Variants in NDUFV2 observed in about 807,000 individuals in gnomAD.
NDUFV2 encodes NADH dehydrogenase [ubiquinone] flavoprotein 2, mitochondrial.
Under a neutral mutation model 31.6 loss-of-function variants are expected in NDUFV2, and 18 were observed. The ratio of observed to expected loss-of-function variants is 0.57; its 90% confidence interval spans 0.39 to 0.84. The LOEUF (loss-of-function observed/expected upper bound fraction) is 0.84. NDUFV2 is among the 40% of genes least tolerant of loss of function. The pLI is 0.00. For synonymous variants in NDUFV2, 83 were observed against 99.8 expected (o/e 0.83, Z 1.01); for missense variants, 314 against 303.6 (o/e 1.03, Z -0.26).
At chr18:9,103,003 ACTC>A (rs926258047) in intron 1 of NDUFV2, 61 of 521,302 alleles carry the variant, frequency 1.2e-4, no homozygotes, top group African/African-American at 1.1e-3. Flanking sequence ...TGGGAAGTGT[ACTC>A]CTAGTTTGGT....
At chr18:9,105,234 T>A (rs2077835852) in intron 1 of NDUFV2, among the ~76,000 whole-genome samples, 1 of 152,240 alleles carries the variant, frequency 6.6e-6, no homozygotes. Context: ...TAAAGATTAT[T>A]TACGCTTTCA....
Position 9,118,828 on chromosome 18 carries a change from T to TG in NDUFV2, c.121-498_121-497insG, listed in dbSNP as rs1166501005. 2.9e-3 allele frequency among the ~76,000 whole-genome samples: 431 copies of TG among 149,010 alleles called. 4 individuals carry two copies. The highest frequency in any genetic ancestry group is 0.01 in the African/African-American group (415 of 40,796). On this transcript the variant is annotated intron_variant, in intron 2 of 7. Coordinates refer to ENST00000318388, the MANE Select transcript of NDUFV2 (RefSeq NM_021074.5). ...AGAGATGGTGCTGTTTTTTTTTTTT[T>TG]TTTTTTTTTTTTAAGATGGTCCTTT...
At position 9,122,544 on chromosome 18, in the gene NDUFV2, G is replaced by C. The variant is rs373689008; in HGVS notation, c.332G>C (p.Arg111Thr). 5.0e-6 allele frequency: 8 copies of C among 1,613,656 alleles called. No homozygotes were observed. The highest frequency in any genetic ancestry group is 3.3e-5 in the South Asian group (3 of 91,038). Residue 111 changes from arginine to threonine, a missense_variant, in exon 5 of 8, where the codon AGA (arginine) becomes ACA (threonine). By Grantham distance (71) the Arg-to-Thr change is moderately conservative. Coordinates refer to ENST00000318388, the MANE Select transcript of NDUFV2 (RefSeq NM_021074.5). Reference sequence around the variant, plus strand: ...GAAGTTTTACAAGTACCTCCAATGAGAGTATATGAAGTAGCAACTTTTTAT... The same window carrying C: ...GAAGTTTTACAAGTACCTCCAATGACAGTATATGAAGTAGCAACTTTTTAT... ...VAEVLQVPPM[R>T]VYEVATFYTM... is the part of the protein sequence containing the mutation.
chr18:9,113,923 G>A (rs982211254), intron 1 of NDUFV2, among the ~76,000 whole-genome samples: 1 of 152,146 alleles, frequency 6.6e-6, no homozygotes, highest in Non-Finnish European at 1.5e-5. Context: ...GTGTCTGAGG[G>A]GTTTTGTCTG....
chr18:9,113,907 T>C (rs907661240), intron 1 of NDUFV2, among the ~76,000 whole-genome samples: 3 of 152,166 alleles, frequency 2.0e-5, no homozygotes, highest in African/African-American at 7.2e-5. Context: ...AAGCCCTTCC[T>C]TCTCAGTGTC....
At chr18:9,118,815 GTT>G (rs71168030) in intron 2 of NDUFV2, among the ~76,000 whole-genome samples, 2 of 76,764 alleles carry the variant, frequency 2.6e-5, no homozygotes, top group Admixed American at 1.7e-4. Context: ...AGATGGTGCT[GTT>G]TTTTTTTTTT....
intron 1 of NDUFV2, among the ~76,000 whole-genome samples, chr18:9,110,381 A>AAAGCC (rs1424284290): frequency 9.8e-5 from 15 of 152,348 alleles, no homozygotes; most frequent in Non-Finnish European, 1.5e-5. Flanking sequence ...AACAATTTTC[A>AAAGCC]AAGCCATTTT....
At chr18:9,108,737 C>CTG (rs2077854548) in intron 1 of NDUFV2, among the ~76,000 whole-genome samples, 2 of 143,254 alleles carry the variant, frequency 1.4e-5, no homozygotes, top group African/African-American at 5.2e-5. Context: ...GTTGCCCAGG[C>CTG]TGGAGTTCAG....
intron 5 of NDUFV2, among the ~76,000 whole-genome samples, chr18:9,123,351 A>G (rs1057477832): frequency 6.6e-6 from 1 of 152,194 alleles, no homozygotes; most frequent in Non-Finnish European, 1.5e-5. Flanking sequence ...ATAAATCCTG[A>G]TAACAATTGG....
chr18:9,118,157 A>G (rs559060291), intron 2 of NDUFV2, among the ~76,000 whole-genome samples: 1 of 152,306 alleles, frequency 6.6e-6, no homozygotes, highest in South Asian at 2.1e-4. Flanking sequence ...TGTGAGCCCT[A>G]ACCTGATTCT....
At chr18:9,105,377 T>TAA (rs1248872855) in intron 1 of NDUFV2, among the ~76,000 whole-genome samples, 1 of 152,240 alleles carries the variant, frequency 6.6e-6, no homozygotes, top group East Asian at 1.9e-4. Flanking sequence ...TTAATCTCTT[T>TAA]GAGCCTCATT....
intron 1 of NDUFV2, among the ~76,000 whole-genome samples, chr18:9,115,401 T>G (rs1248881447): frequency 6.6e-6 from 1 of 152,216 alleles, no homozygotes; most frequent in Non-Finnish European, 1.5e-5. Flanking sequence ...AACGTTCTAG[T>G]GTCAGAATTA....
Position 9,114,625 on chromosome 18 carries a change from GTGAGT to G in NDUFV2, c.55-3210_55-3206del, listed in dbSNP as rs533227617. Among the ~76,000 whole-genome samples, 503 of 152,256 alleles carry G rather than the reference GTGAGT, an allele frequency of 3.3e-3. 6 individuals carry two copies. Among genetic ancestry groups the G allele is most frequent in the Non-Finnish European group, 3.2e-3 (220 of 68,024 alleles). On this transcript the variant is annotated intron_variant, in intron 1 of 7. Transcript: ENST00000318388. ...AAATTGAGGCTTAAAAAAAAATTAA[GTGAGT>G]TGTTCTAGGTCAGATGTTAGTAAGT...
rs765447977 is a variant in NDUFV2, at chr18:9,134,242, C to A, written c.713C>A (p.Pro238His). 1.9e-6 allele frequency: 3 copies of A among 1,613,032 alleles called. No individual in the cohort carries two copies. Among genetic ancestry groups the A allele is most frequent in the Non-Finnish European group, 2.5e-6 (3 of 1,179,882 alleles). Reference protein sequence around the residue: ...AGGLTSLTEPPKGPGFGVQAG... With the variant: ...AGGLTSLTEPHKGPGFGVQAG... ...GGTCTTACCTCTTTGACTGAACCACCCAAGGGACCTGGATTTGGTGTACAA... is the reference window on the plus strand; with the variant it reads ...GGTCTTACCTCTTTGACTGAACCACACAAGGGACCTGGATTTGGTGTACAA... Residue 238 changes from proline (P) to histidine (H), a missense_variant, in exon 8 of 8, where the codon CCC (proline) becomes CAC (histidine). Transcript: ENST00000318388.
intron 1 of NDUFV2, among the ~76,000 whole-genome samples, chr18:9,111,210 A>G (rs1187979768): frequency 6.6e-6 from 1 of 152,236 alleles, no homozygotes; most frequent in Non-Finnish European, 1.5e-5. Context: ...ATTTCTGCCA[A>G]TAATTAGTGA....
intron 6 of NDUFV2, 151 bp from the exon 7 acceptor site, chr18:9,126,680 A>G: frequency 1.5e-6 from 1 of 675,294 alleles, no homozygotes. Flanking sequence ...CATACCTGTA[A>G]TCCCAGCACT....
rs142223960 is a variant in NDUFV2 at position 9,121,030 on chromosome 18, T to C, written c.300+1440T>C. ...TACTCAGGATGTTGATGTGGGAGGATTGCTTGAGCTTAAGACCAGCCTGGG... is the reference window on the plus strand; with the variant it reads ...TACTCAGGATGTTGATGTGGGAGGACTGCTTGAGCTTAAGACCAGCCTGGG... On this transcript the variant is annotated intron_variant, in intron 4 of 7. Coordinates refer to ENST00000318388, the MANE Select transcript of NDUFV2 (RefSeq NM_021074.5). 1.2e-3 allele frequency among the ~76,000 whole-genome samples: 182 copies of C among 152,182 alleles called. 1 individual carries two copies. The highest frequency in any genetic ancestry group is 4.2e-3 in the African/African-American group (175 of 41,520).
In NDUFV2 at chr18:9,132,791, C is replaced by T. The variant is rs115078359; in HGVS notation, c.657-1395C>T. On this transcript the variant is annotated intron_variant, in intron 7 of 7. Coordinates refer to ENST00000318388, the MANE Select transcript of NDUFV2 (RefSeq NM_021074.5). ...GTGGGAGGCTGAGGTGACAGAAGCA[C>T]CTGAGCCTGGGAGGTTAAGACTGCA... 3.6e-3 allele frequency among the ~76,000 whole-genome samples: 546 copies of T among 152,280 alleles called. 5 individuals carry two copies. Among genetic ancestry groups the T allele is most frequent in the African/African-American group, 0.013 (527 of 41,558 alleles).
chr18:9,129,122 G>A (rs1314322697), intron 7 of NDUFV2, among the ~76,000 whole-genome samples: 1 of 152,146 alleles, frequency 6.6e-6, no homozygotes. Context: ...TGTATTTTTA[G>A]TAGAGACGGG....
Sources: gnomAD v4.1 joint callset for allele counts (sites outside exome capture counted in the v4.1 genomes callset) on GRCh38, gnomAD v4.1.1 for gene constraint, MANE v1.5 for transcripts, NCBI Gene and HGNC (gene_info 2026-07-23, HGNC 2026-07-21) for gene names.